The following LARGE1 variants were observed in gnomAD, a reference collection of about 807,000 sequenced individuals.
LARGE1 encodes the protein LARGE xylosyl- and glucuronyltransferase 1.
In LARGE1, 43 loss-of-function variants were observed where a neutral mutation model predicts 87.6. The observed-to-expected ratio is 0.49, with a 90% CI of 0.38 to 0.63. The LOEUF (loss-of-function observed/expected upper bound fraction) is 0.63, where lower values mean the gene tolerates loss of function less well. Ranked by LOEUF, LARGE1 falls within the 30% of genes least tolerant of loss-of-function variation. The pLI, the probability that LARGE1 is intolerant of heterozygous loss-of-function variation, is 0.00. For missense variants in LARGE1, 802 were observed against 1,000.2 expected (o/e 0.80, Z 2.67); for synonymous variants, 434 against 394.6 (o/e 1.10, Z -1.18).
intron 6 of LARGE1, among the ~76,000 whole-genome samples, chr22:33,454,390 C>T (rs918468538): frequency 3.3e-5 from 5 of 151,736 alleles, no homozygotes; most frequent in African/African-American, 9.7e-5. Flanking sequence ...GAGGCTGAGG[C>T]GGGTGGATCA....
At chr22:33,084,346 C>T in the LARGE1 span, among the ~76,000 whole-genome samples, 2 of 152,080 alleles carry the variant, frequency 1.3e-5, no homozygotes, top group African/African-American at 4.8e-5. Flanking sequence ...TGTCTATACC[C>T]TCATTGCTGT....
At chr22:33,461,694 A>C (rs1355964405) in intron 6 of LARGE1, among the ~76,000 whole-genome samples, 1 of 93,572 alleles carries the variant, frequency 1.1e-5, no homozygotes. Context: ...AGAAATTACA[A>C]AAAAAAAAAA....
chr22:33,373,846 C>T lies in LARGE1; in HGVS notation c.1131+8073G>A, dbSNP rs150926962. ...CAAATTAGCCACGTGTGGTGGCACG[C>T]GCTTGTAGTTCCAGCTACTCGGGAG... On this transcript the variant is annotated intron_variant, in intron 9 of 14. Coordinates refer to ENST00000397394, the MANE Select transcript of LARGE1 (RefSeq NM_133642.5). Among the ~76,000 whole-genome samples, 432 of 151,892 alleles carry T rather than the reference C, an allele frequency of 2.8e-3. 3 individuals are homozygous for T. The highest frequency in any genetic ancestry group is 9.5e-3 in the African/African-American group (393 of 41,428).
intron 1 of LARGE1, among the ~76,000 whole-genome samples, chr22:33,771,174 C>CTTTT (rs577979720): frequency 1.1e-4 from 15 of 140,650 alleles, no homozygotes; most frequent in African/African-American, 3.9e-4. Flanking sequence ...TATTTTTTTG[C>CTTTT]TTTTTTTTTT....
intron 10 of LARGE1, among the ~76,000 whole-genome samples, chr22:33,334,837 G>A (rs994612513): frequency 6.6e-6 from 1 of 152,208 alleles, no homozygotes; most frequent in Non-Finnish European, 1.5e-5. Context: ...TTCAACCCCC[G>A]TGAGCTACAC....
intron 4 of LARGE1, among the ~76,000 whole-genome samples, chr22:33,606,886 G>A (rs1056373677): frequency 6.6e-6 from 1 of 152,050 alleles, no homozygotes; most frequent in Admixed American, 6.6e-5. Flanking sequence ...TCTAGGTCAG[G>A]GGTCCTTCCT....
the LARGE1 span, among the ~76,000 whole-genome samples, chr22:33,098,391 G>A: frequency 1.1e-3 from 165 of 152,142 alleles, 1 homozygote; most frequent in African/African-American, 3.8e-3. Context: ...AGGCTGAGGC[G>A]GGCAGATCAC....
At chr22:33,224,483 T>C (rs1925629870) in intron 11 of LARGE1, among the ~76,000 whole-genome samples, 1 of 151,976 alleles carries the variant, frequency 6.6e-6, no homozygotes, top group South Asian at 2.1e-4. Flanking sequence ...GTGATTTGAG[T>C]AAAAAACCTA....
chr22:33,639,598 T>C (rs564349670), intron 3 of LARGE1, among the ~76,000 whole-genome samples: 2 of 152,278 alleles, frequency 1.3e-5, no homozygotes, highest in South Asian at 2.1e-4. Context: ...TCCCAAAAGG[T>C]AACTGAATTG....
rs545491654 is a variant in LARGE1, at chr22:33,438,401, T to C, written c.788-6136A>G. On this transcript the variant is annotated intron_variant, in intron 6 of 14. Transcript: ENST00000397394. ...TCCAAGCTGGGCCTGTGGTTATGATTAAGTGCGCTGTTCTCCATCTTCCTT... is the reference window on the plus strand; with the variant it reads ...TCCAAGCTGGGCCTGTGGTTATGATCAAGTGCGCTGTTCTCCATCTTCCTT... 3.3e-5 allele frequency among the ~76,000 whole-genome samples: 5 copies of C among 152,326 alleles called. No homozygotes were observed. In the East Asian group the frequency reaches 7.7e-4, roughly 24 times the overall value.
chr22:33,550,635 G>C (rs933980078), intron 6 of LARGE1, among the ~76,000 whole-genome samples: 33 of 152,082 alleles, frequency 2.2e-4, no homozygotes, highest in African/African-American at 7.5e-4. Context: ...AAACAGTATG[G>C]AGAGTTCTCA....
chr22:33,655,308 C>T (rs2080928678), intron 2 of LARGE1, among the ~76,000 whole-genome samples: 1 of 152,184 alleles, frequency 6.6e-6, no homozygotes, highest in African/African-American at 2.4e-5. Flanking sequence ...CCATCTTCCA[C>T]ATTCAAGAGA....
intron 7 of LARGE1, among the ~76,000 whole-genome samples, chr22:33,401,584 G>T (rs1438182879): frequency 6.6e-6 from 1 of 152,182 alleles, no homozygotes; most frequent in Non-Finnish European, 1.5e-5. Context: ...AGCCTGTGGG[G>T]CTTCACCCTC....
At chr22:33,284,457 C>T (rs531786886) in intron 12 of LARGE1, among the ~76,000 whole-genome samples, 4 of 152,240 alleles carry the variant, frequency 2.6e-5, no homozygotes, top group Admixed American at 6.5e-5. Context: ...TCTGCTCCTC[C>T]GAGACCCGAT....
At chr22:33,388,899 T>G (rs2065419031) in intron 7 of LARGE1, among the ~76,000 whole-genome samples, 1 of 152,202 alleles carries the variant, frequency 6.6e-6, no homozygotes, top group African/African-American at 2.4e-5. Context: ...ACATATTAAC[T>G]CAGCATATAT....
At chr22:33,079,023 T>C in the LARGE1 span, among the ~76,000 whole-genome samples, 1 of 152,154 alleles carries the variant, frequency 6.6e-6, no homozygotes, top group Admixed American at 6.5e-5. Context: ...CTGGATGGCC[T>C]GGGCTTGAAC....
chr22:33,709,216 G>C (rs2082652419), intron 2 of LARGE1, among the ~76,000 whole-genome samples: 1 of 152,134 alleles, frequency 6.6e-6, no homozygotes, highest in Non-Finnish European at 1.5e-5. Context: ...CAGGAAGTAA[G>C]TGATTCTCAG....
intron 1 of LARGE1, among the ~76,000 whole-genome samples, chr22:33,794,764 T>G (rs575941911): frequency 6.4e-4 from 97 of 152,190 alleles, no homozygotes; most frequent in African/African-American, 2.2e-3. Flanking sequence ...GGATTACAGG[T>G]ACGTGCCACC....
intron 2 of LARGE1, among the ~76,000 whole-genome samples, chr22:33,728,456 T>A (rs2083339682): frequency 6.7e-6 from 1 of 148,594 alleles, no homozygotes; most frequent in Non-Finnish European, 1.5e-5. Context: ...GGAGAATCGC[T>A]TGAACCTGGG....
Sources: gnomAD v4.1 joint callset for allele counts (sites outside exome capture counted in the v4.1 genomes callset) on GRCh38, gnomAD v4.1.1 for gene constraint, MANE v1.5 for transcripts, NCBI Gene and HGNC (gene_info 2026-07-23, HGNC 2026-07-21) for gene names.